ERP27: variants seen among roughly 807,000 people sequenced by gnomAD.
The protein encoded by ERP27 is endoplasmic reticulum resident protein 27.
ERP27 carries 23 observed loss-of-function variants against 27.7 expected under a neutral mutation model. The observed-to-expected ratio is 0.83, with a 90% CI of 0.60 to 1.18. The LOEUF (loss-of-function observed/expected upper bound fraction) is 1.18, where lower values mean the gene tolerates loss of function less well. Among genes scored for constraint, ERP27 ranks in the 50% most tolerant of loss-of-function variants. ERP27 has a pLI of 0.00. For missense variants in ERP27, 363 were observed against 327.9 expected, an observed-to-expected ratio of 1.11 and a Z score of -0.83; for synonymous variants, 159 against 118.3, an observed-to-expected ratio of 1.34 and a Z score of -2.23.
chr12:14,915,126 G>C (rs1863388666), intron 6 of ERP27, among the ~76,000 whole-genome samples: 1 of 151,962 alleles, frequency 6.6e-6, no homozygotes, highest in Non-Finnish European at 1.5e-5. Context: ...GTTTTTAATT[G>C]ACACATAATA....
chr12:14,914,531 C>T lies in ERP27; in HGVS notation c.*204G>A, dbSNP rs73300940. 14,086 of 518,346 alleles carry T rather than the reference C, an allele frequency of 0.027. 808 individuals carry two copies. Among genetic ancestry groups the T allele is most frequent in the African/African-American group, 0.16 (8,116 of 51,786 alleles). The allele number at this position is 518,346 out of a possible 1,614,324, so 32.1% of individuals were successfully genotyped here. On this transcript the variant is annotated 3_prime_UTR_variant, in exon 7 of 7. Coordinates refer to ENST00000266397, the MANE Select transcript of ERP27 (RefSeq NM_152321.4). Reference sequence around the variant, plus strand: ...ATTTAAAAGAAGGAAGAAGAGAAAACGAGATTTTAAGACAGGAAATGAAGC... The same window carrying T: ...ATTTAAAAGAAGGAAGAAGAGAAAATGAGATTTTAAGACAGGAAATGAAGC...
intron 3 of ERP27, among the ~76,000 whole-genome samples, chr12:14,923,266 G>A (rs1863537328): frequency 6.6e-6 from 1 of 152,028 alleles, no homozygotes; most frequent in African/African-American, 2.4e-5. Flanking sequence ...CGGCCCTCAG[G>A]CCTTCAAACT....
At chr12:14,920,283 G>C (rs1018706569) in intron 4 of ERP27, among the ~76,000 whole-genome samples, 2 of 152,194 alleles carry the variant, frequency 1.3e-5, no homozygotes, top group African/African-American at 4.8e-5. Flanking sequence ...AGGAGAGAAG[G>C]CTGAGGCATG....
Position 14,914,578 on chromosome 12 carries a change from G to GTGTGCA in ERP27, c.*156_*157insTGCACA, listed in dbSNP as rs1555097431. The GTGTGCA allele has an allele frequency of 6.4e-6, 3 of 468,036 alleles. No homozygotes were observed. Among genetic ancestry groups the GTGTGCA allele is most frequent in the South Asian group, 2.3e-5 (1 of 44,430 alleles). 29.0% of individuals were successfully genotyped at this position (468,036 alleles called of 1,614,324 possible). A position where few individuals can be genotyped will look rare whatever the true frequency, so the allele number is the denominator to read the frequency against. The stretch of plus-strand genomic sequence containing the variant: ...AAGCTCTGTGTGTGTGTGTGTGTGT[G>GTGTGCA]CGTGTGTGTGTGCACGCGTGCGTGC... On this transcript the variant is annotated 3_prime_UTR_variant, in exon 7 of 7. Coordinates refer to ENST00000266397, the MANE Select transcript of ERP27 (RefSeq NM_152321.4).
chr12:14,927,791 C>T (rs1303538546), intron 3 of ERP27, among the ~76,000 whole-genome samples: 1 of 151,688 alleles, frequency 6.6e-6, no homozygotes, highest in Admixed American at 6.6e-5. Flanking sequence ...CACACACATT[C>T]ATGCACACAC....
At chr12:14,923,545 T>A (rs1464552169) in intron 3 of ERP27, among the ~76,000 whole-genome samples, 1 of 140,010 alleles carries the variant, frequency 7.1e-6, no homozygotes, top group East Asian at 2.1e-4. Context: ...CTATATTACC[T>A]ATCTCCTGTT....
At chr12:14,920,568 C>T (rs1254520169) in intron 4 of ERP27, among the ~76,000 whole-genome samples, 27 of 152,140 alleles carry the variant, frequency 1.8e-4, no homozygotes, top group Admixed American at 1.7e-3. Context: ...GACAAGGTCT[C>T]GCTATGTTGC....
At position 14,938,451 on chromosome 12, in the gene ERP27, C is replaced by T. The variant is rs1366303133; in HGVS notation, c.58G>A (p.Ala20Thr). The stretch of plus-strand genomic sequence containing the variant: ...TCAACTTCTGCAGCAACTTCTGCAG[C>T]CAGCTCACACGTGAGGAGAAATAAG... ...FLLFLLTCELAAEVAAEVEKS... is the reference protein window; with the variant it reads ...FLLFLLTCELTAEVAAEVEKS... Residue 20 changes from alanine to threonine, a missense_variant, in exon 1 of 7, where the codon GCT (alanine) becomes ACT (threonine). Coordinates refer to ENST00000266397, the MANE Select transcript of ERP27 (RefSeq NM_152321.4). The T allele has an allele frequency of 1.9e-6, 3 of 1,614,038 alleles. No individual in the cohort carries two copies. Among genetic ancestry groups the T allele is most frequent in the Admixed American group, 1.7e-5 (1 of 60,008 alleles).
chr12:14,929,864 C>T (rs896209627), intron 3 of ERP27, among the ~76,000 whole-genome samples: 2 of 152,070 alleles, frequency 1.3e-5, no homozygotes, highest in Non-Finnish European at 2.9e-5. Context: ...TTTGGTGGCA[C>T]TGAGAAATCA....
rs569743726 is a variant in ERP27, at chr12:14,928,841, T to C, written c.333+6015A>G. ...CTTGCCCACCCTCCTACCACCTCCTTCCCCTTCCCTTGCCCATATCAAGAC... is the reference window on the plus strand; with the variant it reads ...CTTGCCCACCCTCCTACCACCTCCTCCCCCTTCCCTTGCCCATATCAAGAC... On this transcript the variant is annotated intron_variant, in intron 3 of 6. Transcript: ENST00000266397. The C allele has an allele frequency of 1.5e-3, 1,810 of 1,177,566 alleles. 1 individual carries two copies. Among genetic ancestry groups the C allele is most frequent in the Non-Finnish European group, 1.9e-3 (1,565 of 824,010 alleles). 72.9% of individuals were successfully genotyped at this position (1,177,566 alleles called of 1,614,324 possible).
chr12:14,935,114 A>G, intron 2 of ERP27, 121 bp from the exon 3 acceptor site: 1 of 1,481,404 alleles, frequency 6.8e-7, no homozygotes, highest in Non-Finnish European at 9.0e-7. Flanking sequence ...ACTGCCCAGT[A>G]ACACATGATT....
At chr12:14,934,109 A>G (rs1565454112) in intron 3 of ERP27, among the ~76,000 whole-genome samples, 1 of 152,074 alleles carries the variant, frequency 6.6e-6, no homozygotes, top group African/African-American at 2.4e-5. Flanking sequence ...TCTTTCTCTT[A>G]TATTCATTTT....
Position 14,914,134 on chromosome 12 carries a change from A to C in ERP27, c.*601T>G, listed in dbSNP as rs1002330412. ...CAAGCATGGAGTTTTCACATGGTCT[A>C]TTTCTGCTGAGTTCAGGGACTTGGA... On this transcript the variant is annotated 3_prime_UTR_variant, in exon 7 of 7. Transcript: ENST00000266397. 6.6e-6 allele frequency: 1 copy of C among 152,290 alleles called. No individual in the cohort carries two copies. The highest frequency in any genetic ancestry group is 2.4e-5 in the African/African-American group (1 of 41,450). The allele number at this position is 152,290 out of a possible 1,614,324, so 9.4% of individuals were successfully genotyped here.
chr12:14,916,484 A>T (rs1161819262), intron 5 of ERP27, among the ~76,000 whole-genome samples: 1 of 152,188 alleles, frequency 6.6e-6, no homozygotes, highest in Non-Finnish European at 1.5e-5. Context: ...GGCCTATAGT[A>T]AGTGCTTGAT....
intron 4 of ERP27, among the ~76,000 whole-genome samples, 156 bp from the exon 5 acceptor site, chr12:14,917,459 C>T (rs1863429282): frequency 6.6e-6 from 1 of 152,214 alleles, no homozygotes; most frequent in South Asian, 2.1e-4. Context: ...TTAAGTCTTA[C>T]CATCTCGTTT....
At chr12:14,937,433 C>A (rs1422253674) in intron 2 of ERP27, among the ~76,000 whole-genome samples, 1 of 152,106 alleles carries the variant, frequency 6.6e-6, no homozygotes, top group East Asian at 1.9e-4. Context: ...ATACAAAATG[C>A]CATCATTTTC....
At chr12:14,927,324 C>A (rs114460501) in intron 3 of ERP27, among the ~76,000 whole-genome samples, 2 of 150,346 alleles carry the variant, frequency 1.3e-5, no homozygotes, top group Admixed American at 1.3e-4. Flanking sequence ...TGTGTGTGTG[C>A]GTGTGTGCAT....
intron 5 of ERP27, 77 bp downstream of exon 5, chr12:14,917,101 T>C: frequency 1.9e-6 from 3 of 1,555,872 alleles, no homozygotes; most frequent in Non-Finnish European, 2.6e-6. Flanking sequence ...TATTTATCTC[T>C]GCTTCCTAGC....
intron 3 of ERP27, among the ~76,000 whole-genome samples, chr12:14,927,333 A>ATGTG (rs764881010): frequency 2.0e-5 from 3 of 151,076 alleles, no homozygotes; most frequent in Non-Finnish European, 4.4e-5. Flanking sequence ...GCGTGTGTGC[A>ATGTG]TGTGTGTGTG....
Sources: allele counts gnomAD v4.1 joint callset (sites outside exome capture counted in the v4.1 genomes callset), GRCh38; gene constraint gnomAD v4.1.1; transcripts MANE v1.5; gene names NCBI Gene and HGNC (gene_info 2026-07-23, HGNC 2026-07-21).